LARP1B: variants seen among roughly 807,000 people sequenced by gnomAD.
The protein encoded by LARP1B is La ribonucleoprotein 1B.
In LARP1B, 76 loss-of-function variants were observed where a neutral mutation model predicts 114.2. The observed-to-expected ratio is 0.67, with a 90% CI of 0.55 to 0.81. LARP1B has a LOEUF of 0.81. Among genes scored for constraint, LARP1B ranks in the 30% least tolerant of loss-of-function variants. The probability of loss-of-function intolerance (pLI) is 0.00; values close to 1 mark genes in which losing one functional copy is unlikely to be tolerated. For missense variants in LARP1B, 1,014 were observed against 1,075.8 expected, an observed-to-expected ratio of 0.94 and a Z score of 0.80; for synonymous variants, 345 against 348.0, an observed-to-expected ratio of 0.99 and a Z score of 0.10.
intron 9 of LARP1B, among the ~76,000 whole-genome samples, chr4:128,113,565 A>T (rs1169686441): frequency 7.5e-4 from 112 of 150,196 alleles, no homozygotes; most frequent in Non-Finnish European, 1.6e-4. Context: ...CTGGTCTTGA[A>T]CTCCTGACCT....
At chr4:128,209,651 A>C (rs1758575866) in intron 19 of LARP1B, among the ~76,000 whole-genome samples, 1 of 147,278 alleles carries the variant, frequency 6.8e-6, no homozygotes, top group Non-Finnish European at 1.5e-5. Flanking sequence ...TGAACCCGGG[A>C]GGCGGAGCTT....
intron 11 of LARP1B, among the ~76,000 whole-genome samples, chr4:128,153,559 C>T (rs1002177028): frequency 1.3e-5 from 2 of 152,190 alleles, no homozygotes; most frequent in African/African-American, 4.8e-5. Flanking sequence ...CCGCCTTGGC[C>T]TCCCAAAGTG....
At chr4:128,152,230 A>T (rs1446750321) in intron 11 of LARP1B, among the ~76,000 whole-genome samples, 1 of 130,840 alleles carries the variant, frequency 7.6e-6, no homozygotes, top group African/African-American at 3.0e-5. Context: ...TTTGAGGTGG[A>T]CTCTCGCTCT....
chr4:128,099,581 T>C (rs1779536368), intron 8 of LARP1B, among the ~76,000 whole-genome samples: 1 of 152,186 alleles, frequency 6.6e-6, no homozygotes, highest in Admixed American at 6.5e-5. Flanking sequence ...AGTTTGTTCT[T>C]TCATATTGCT....
At chr4:128,061,441 G>A (rs1185980521) in intron 1 of LARP1B, 40 bp downstream of exon 1, 2 of 156,192 alleles carry the variant, frequency 1.3e-5, no homozygotes, top group Non-Finnish European at 2.8e-5. Flanking sequence ...CCCGGCGCGT[G>A]GTGGCGGGCT....
chr4:128,180,942 A>G (rs147797703), intron 15 of LARP1B, among the ~76,000 whole-genome samples: 3,559 of 152,274 alleles, frequency 0.023, 69 homozygotes, highest in Non-Finnish European at 0.034. Flanking sequence ...TTATATAATT[A>G]TGCCAACTTT....
intron 1 of LARP1B, among the ~76,000 whole-genome samples, chr4:128,064,747 C>T (rs1022608837): frequency 6.6e-6 from 1 of 151,996 alleles, no homozygotes; most frequent in African/African-American, 2.4e-5. Context: ...TTTAAAACTT[C>T]GAAGCCATAC....
At chr4:128,096,479 G>A (rs1304139426) in intron 7 of LARP1B, among the ~76,000 whole-genome samples, 1 of 152,052 alleles carries the variant, frequency 6.6e-6, no homozygotes, top group Non-Finnish European at 1.5e-5. Context: ...GGTTAAGTGG[G>A]TTTGTGTTTT....
At chr4:128,129,139 T>C (rs1790642015) in intron 11 of LARP1B, among the ~76,000 whole-genome samples, 1 of 123,314 alleles carries the variant, frequency 8.1e-6, no homozygotes, top group South Asian at 2.6e-4. Flanking sequence ...CTCTCCATCC[T>C]GGGCGACAGA....
intron 15 of LARP1B, among the ~76,000 whole-genome samples, chr4:128,181,879 C>T (rs959013101): frequency 2.0e-5 from 3 of 147,434 alleles, no homozygotes; most frequent in Admixed American, 6.8e-5. Context: ...GATCTCAGCT[C>T]ACTGCAAGCT....
chr4:128,161,440 C>T (rs943920137), intron 11 of LARP1B, among the ~76,000 whole-genome samples: 4 of 152,212 alleles, frequency 2.6e-5, no homozygotes, highest in African/African-American at 9.6e-5. Context: ...TATACTGAGT[C>T]TCTTTGCTGC....
intron 1 of LARP1B, among the ~76,000 whole-genome samples, chr4:128,063,228 A>G (rs889830756): frequency 6.6e-6 from 1 of 150,970 alleles, no homozygotes; most frequent in African/African-American, 2.4e-5. Flanking sequence ...GGAGTTCGAG[A>G]CCAGGCTGGC....
rs1755268354 is a variant in LARP1B at position 128,199,525 on chromosome 4, CTTCT to C, written c.2091_2094del (p.Ser698MetfsTer4). On this transcript the variant is annotated frameshift_variant, in exon 16 of 20. Coordinates refer to ENST00000326639, the MANE Select transcript of LARP1B (RefSeq NM_018078.4). LOFTEE classifies it high-confidence loss of function. ...CATTCATTCCCAAAGTTCCAGCATCCTTCTCATGAACTTTTGAAGGAAAATGGCT... is the reference window on the plus strand; with the variant it reads ...CATTCATTCCCAAAGTTCCAGCATCCCATGAACTTTTGAAGGAAAATGGCT... The C allele has an allele frequency of 8.7e-6, 14 of 1,602,878 alleles. No individual in the cohort carries two copies. The Admixed American group carries it at 1.9e-4, about 21-fold the overall frequency.
intron 15 of LARP1B, among the ~76,000 whole-genome samples, chr4:128,184,103 A>G (rs1223461389): frequency 1.3e-5 from 2 of 152,204 alleles, no homozygotes. Flanking sequence ...TTGAAATGAC[A>G]ACAACAGATT....
At chr4:128,130,921 G>T (rs968693720) in intron 11 of LARP1B, among the ~76,000 whole-genome samples, 1 of 152,174 alleles carries the variant, frequency 6.6e-6, no homozygotes, top group Non-Finnish European at 1.5e-5. Context: ...GGTGAAAAAA[G>T]CCTATTTGAA....
At chr4:128,091,267 T>A in intron 6 of LARP1B, 80 bp from the exon 7 acceptor site, 1 of 1,507,994 alleles carries the variant, frequency 6.6e-7, no homozygotes, top group South Asian at 1.3e-5. Flanking sequence ...TTTGTTAACC[T>A]TTGAAGTTCT....
At chr4:128,078,464 C>T (rs34659062) in intron 4 of LARP1B, among the ~76,000 whole-genome samples, 86,691 of 151,550 alleles carry the variant, frequency 0.57, 25,918 homozygotes, top group Middle Eastern at 0.8. Context: ...AGCCGAACAT[C>T]GTGTTGCGCA....
intron 15 of LARP1B, among the ~76,000 whole-genome samples, chr4:128,198,237 T>A (rs1186435500): frequency 6.6e-6 from 1 of 152,172 alleles, no homozygotes; most frequent in African/African-American, 2.4e-5. Flanking sequence ...TTCTCATTTT[T>A]AAAAAATTGT....
intron 7 of LARP1B, among the ~76,000 whole-genome samples, chr4:128,094,390 TTTTC>T (rs1240482337): frequency 6.7e-6 from 1 of 150,234 alleles, no homozygotes; most frequent in African/African-American, 2.5e-5. Flanking sequence ...CCTTTTTTCT[TTTTC>T]TTTTTCTTTT....
Sources: allele counts gnomAD v4.1 joint callset (sites outside exome capture counted in the v4.1 genomes callset), GRCh38; gene constraint gnomAD v4.1.1; transcripts MANE v1.5; gene names NCBI Gene and HGNC (gene_info 2026-07-23, HGNC 2026-07-21).